The following ABCB11 variants were observed in gnomAD, a reference collection of about 807,000 sequenced individuals.
ABCB11 encodes bile salt export pump.
In ABCB11, 95 loss-of-function variants were observed where a neutral mutation model predicts 148.0. The ratio of observed to expected loss-of-function variants is 0.64; its 90% CI spans 0.54 to 0.76. The LOEUF is 0.76. Among genes scored for constraint, ABCB11 ranks in the 30% least tolerant of loss-of-function variants. ABCB11 has a pLI of 0.00. For missense variants in ABCB11, 1,523 were observed against 1,617.8 expected, an observed-to-expected ratio of 0.94 and a Z score of 1.01; for synonymous variants, 591 against 555.4, an observed-to-expected ratio of 1.06 and a Z score of -0.90.
rs924305852 is a variant in ABCB11, at chr2:169,014,426, T to C, written c.99-72A>G. On this transcript the variant is annotated intron_variant, in intron 3 of 27. Transcript: ENST00000650372. ...ATGGGAAATTCTCCCTAGGTGGTGA[T>C]TTTATGAGTTATTCTTTAGTAAGAA... The C allele has an allele frequency of 2.0e-4, 287 of 1,410,004 alleles. 1 individual carries two copies. The highest frequency in any genetic ancestry group is 2.8e-4 in the Non-Finnish European group (283 of 1,010,590). 87.3% of individuals were successfully genotyped at this position (1,410,004 alleles called of 1,614,324 possible). A position where few individuals can be genotyped will look rare whatever the true frequency, so the allele number is the denominator to read the frequency against.
chr2:168,958,175 C>T (rs553614329), intron 18 of ABCB11, 47 bp from the exon 19 acceptor site: 1 of 1,558,412 alleles, frequency 6.4e-7, no homozygotes, highest in South Asian at 1.1e-5. Flanking sequence ...GTACTCAAGA[C>T]ATTTTGCAGC....
chr2:168,992,205 G>C (rs925288023), intron 8 of ABCB11, among the ~76,000 whole-genome samples: 3 of 151,984 alleles, frequency 2.0e-5, no homozygotes, highest in African/African-American at 7.2e-5. Context: ...GACATGTGCA[G>C]ACCTACAACA....
At chr2:168,988,652 T>C (rs1313040358) in intron 9 of ABCB11, among the ~76,000 whole-genome samples, 2 of 152,148 alleles carry the variant, frequency 1.3e-5, no homozygotes, top group Non-Finnish European at 2.9e-5. Context: ...TGCTGGATCA[T>C]ATGGTAGTTC....
At chr2:169,015,122 A>G (rs1213367684) in intron 3 of ABCB11, among the ~76,000 whole-genome samples, 1 of 152,030 alleles carries the variant, frequency 6.6e-6, no homozygotes, top group Non-Finnish European at 1.5e-5. Context: ...GCTAAACCCC[A>G]TTAAGATTTT....
intron 26 of ABCB11, among the ~76,000 whole-genome samples, chr2:168,926,257 T>G (rs1691303104): frequency 1.3e-5 from 2 of 152,154 alleles, no homozygotes; most frequent in South Asian, 4.2e-4. Context: ...AATCTGGACT[T>G]GGGTTTGGCA....
intron 17 of ABCB11, among the ~76,000 whole-genome samples, chr2:168,965,267 A>G (rs1445762706): frequency 2.6e-5 from 4 of 151,770 alleles, no homozygotes; most frequent in African/African-American, 9.7e-5. Flanking sequence ...CATGACAAGC[A>G]TGGGAAGTGA....
downstream of ABCB11, among the ~76,000 whole-genome samples, chr2:168,919,837 T>C (rs1226632414): frequency 6.6e-6 from 1 of 151,886 alleles, no homozygotes; most frequent in African/African-American, 2.4e-5. Context: ...ATAGTTCTTT[T>C]GTGTGTGTGT....
At chr2:168,988,736 G>C (rs936466879) in intron 9 of ABCB11, among the ~76,000 whole-genome samples, 13 of 152,070 alleles carry the variant, frequency 8.5e-5, no homozygotes, top group African/African-American at 3.1e-4. Context: ...AGCGATCCGT[G>C]TAACAGTGTT....
At chr2:168,954,966 C>G (rs1189169068) in intron 19 of ABCB11, among the ~76,000 whole-genome samples, 1 of 151,510 alleles carries the variant, frequency 6.6e-6, no homozygotes, top group Non-Finnish European at 1.5e-5. Flanking sequence ...TTATTTTTGT[C>G]TGACTGGATT....
intron 10 of ABCB11, among the ~76,000 whole-genome samples, chr2:168,985,550 A>G (rs1452933865): frequency 6.6e-6 from 1 of 152,118 alleles, no homozygotes; most frequent in African/African-American, 2.4e-5. Context: ...TATATAACAT[A>G]TATGTATATA....
At chr2:168,965,451 T>C (rs1165616298) in intron 17 of ABCB11, among the ~76,000 whole-genome samples, 1 of 151,770 alleles carries the variant, frequency 6.6e-6, no homozygotes, top group Non-Finnish European at 1.5e-5. Context: ...ATAGTAGAGC[T>C]GAGAAAGGAA....
chr2:168,976,735 C>T, intron 11 of ABCB11, 48 bp from the exon 12 acceptor site: 1 of 1,112,618 alleles, frequency 9.0e-7, no homozygotes, highest in Non-Finnish European at 1.4e-6. Context: ...AACTAAGATG[C>T]ACAACTCAAT....
intron 1 of ABCB11, among the ~76,000 whole-genome samples, chr2:169,018,729 T>C (rs1289905566): frequency 6.6e-6 from 1 of 152,144 alleles, no homozygotes; most frequent in African/African-American, 2.4e-5. Context: ...AATTAGTTTA[T>C]AGAGGGTACA....
chr2:168,953,493 T>G (rs1034347392), intron 19 of ABCB11, among the ~76,000 whole-genome samples: 1 of 151,436 alleles, frequency 6.6e-6, no homozygotes, highest in Admixed American at 6.6e-5. Context: ...GTGTTTTATC[T>G]GATATAAGTG....
At chr2:169,005,040 AC>A (rs1273462295) in intron 5 of ABCB11, among the ~76,000 whole-genome samples, 3 of 152,084 alleles carry the variant, frequency 2.0e-5, no homozygotes, top group African/African-American at 7.2e-5. Flanking sequence ...CAGCACCTGC[AC>A]CTGGTGGAGG....
Position 168,969,690 on chromosome 2 carries a change from A to C in ABCB11, c.1810-139T>G. On this transcript the variant is annotated intron_variant, in intron 15 of 27. Coordinates refer to ENST00000650372, the MANE Select transcript of ABCB11 (RefSeq NM_003742.4). ...CTTAAATAGGCTGTGCAGACATTAGAAAAGGCCAGCACATTTTCTTGCAGC... is the reference window on the plus strand; with the variant it reads ...CTTAAATAGGCTGTGCAGACATTAGCAAAGGCCAGCACATTTTCTTGCAGC... The C allele has an allele frequency of 1.0e-5, 8 of 798,402 alleles. No individual in the cohort carries two copies. In the Admixed American group the frequency reaches 2.3e-4, roughly 23 times the overall value. The allele number at this position is 798,402 out of a possible 1,614,324, so 49.5% of individuals were successfully genotyped here.
intron 21 of ABCB11, among the ~76,000 whole-genome samples, chr2:168,939,773 G>A (rs777310465): frequency 6.6e-6 from 1 of 152,060 alleles, no homozygotes; most frequent in Non-Finnish European, 1.5e-5. Flanking sequence ...TGGCAACCCT[G>A]TATATGCAGA....
At chr2:168,976,029 A>G (rs528352733) in intron 12 of ABCB11, among the ~76,000 whole-genome samples, 1 of 152,056 alleles carries the variant, frequency 6.6e-6, no homozygotes, top group Non-Finnish European at 1.5e-5. Flanking sequence ...AAAGGCAGGA[A>G]ATAATTTTTT....
At chr2:168,983,638 C>T (rs997055383) in intron 10 of ABCB11, among the ~76,000 whole-genome samples, 9 of 152,108 alleles carry the variant, frequency 5.9e-5, no homozygotes, top group East Asian at 1.9e-4. Context: ...AAATAAAGTC[C>T]GTGGTTTGGA....
Sources: gnomAD v4.1 joint callset for allele counts (sites outside exome capture counted in the v4.1 genomes callset) on GRCh38, gnomAD v4.1.1 for gene constraint, MANE v1.5 for transcripts, NCBI Gene and HGNC (gene_info 2026-07-23, HGNC 2026-07-21) for gene names.